Variants in BMAL1 observed in about 807,000 individuals in gnomAD.
The protein encoded by BMAL1 is basic helix-loop-helix ARNT like 1.
the BMAL1 span, chr11:13,357,024 G>C: frequency 1.8e-5 from 29 of 1,614,128 alleles, no homozygotes; most frequent in Non-Finnish European, 2.5e-5. This position sits in a 1 kb window ranked among gnomAD's most constrained non-coding sequence, Gnocchi z 4.8. Flanking sequence ...AGAGAATTAT[G>C]TTTTTATCTT....
chr11:13,322,969 T>C, the BMAL1 span, among the ~76,000 whole-genome samples: 1 of 150,976 alleles, frequency 6.6e-6, no homozygotes, highest in African/African-American at 2.4e-5. Context: ...TTTTTTTTTT[T>C]AATTTTTTGT....
the BMAL1 span, among the ~76,000 whole-genome samples, chr11:13,281,905 C>A: frequency 1.3e-5 from 2 of 152,220 alleles, no homozygotes; most frequent in Admixed American, 1.3e-4. Flanking sequence ...TCTTCCTGCA[C>A]CCCTGTAAAG....
the BMAL1 span, among the ~76,000 whole-genome samples, chr11:13,319,909 G>A: frequency 6.6e-6 from 1 of 152,212 alleles, no homozygotes; most frequent in Non-Finnish European, 1.5e-5. Flanking sequence ...GCAAGTGACT[G>A]CTGTGAGGCT....
chr11:13,301,914 A>T, the BMAL1 span, among the ~76,000 whole-genome samples: 1 of 152,206 alleles, frequency 6.6e-6, no homozygotes, highest in East Asian at 1.9e-4. Flanking sequence ...TGGAGCCAAG[A>T]TCAGACCAAG....
chr11:13,369,305 G>T, the BMAL1 span, among the ~76,000 whole-genome samples: 1 of 152,068 alleles, frequency 6.6e-6, no homozygotes, highest in East Asian at 1.9e-4. Context: ...ATCTTTTCTT[G>T]GTGCACCTCC....
the BMAL1 span, among the ~76,000 whole-genome samples, chr11:13,298,514 G>C: frequency 1.3e-5 from 2 of 151,954 alleles, no homozygotes; most frequent in East Asian, 3.9e-4. Flanking sequence ...TTATTTATTT[G>C]GTTTATTTTT....
chr11:13,279,137 T>C, the BMAL1 span, among the ~76,000 whole-genome samples: 1 of 152,246 alleles, frequency 6.6e-6, no homozygotes, highest in African/African-American at 2.4e-5. Flanking sequence ...AGCGTTGTTT[T>C]GGCGCTTTGG....
the BMAL1 span, among the ~76,000 whole-genome samples, chr11:13,313,376 G>A: frequency 4.6e-5 from 7 of 152,056 alleles, no homozygotes; most frequent in Admixed American, 3.3e-4. Context: ...GAAGACACCC[G>A]GATCTCCATA....
At chr11:13,310,600 C>A in the BMAL1 span, among the ~76,000 whole-genome samples, 1 of 152,196 alleles carries the variant, frequency 6.6e-6, no homozygotes, top group Admixed American at 6.5e-5. Context: ...TCTGTCACAG[C>A]TACTCCACTC....
chr11:13,373,757 A>G, the BMAL1 span, among the ~76,000 whole-genome samples: 35 of 152,232 alleles, frequency 2.3e-4, no homozygotes, highest in Non-Finnish European at 4.4e-4. Context: ...AATCTGCCCA[A>G]CTCGGCCTCC....
chr11:13,327,955 G>T, the BMAL1 span, among the ~76,000 whole-genome samples: 1 of 150,618 alleles, frequency 6.6e-6, no homozygotes, highest in Non-Finnish European at 1.5e-5. Context: ...GCCATGAAGG[G>T]TGTCATGTTT....
the BMAL1 span, among the ~76,000 whole-genome samples, chr11:13,373,609 C>T: frequency 6.6e-6 from 1 of 152,336 alleles, no homozygotes; most frequent in African/African-American, 2.4e-5. Flanking sequence ...CGGGCTCAAG[C>T]AGTCCTCCCA....
At chr11:13,372,102 C>T in the BMAL1 span, 1 of 1,598,846 alleles carries the variant, frequency 6.3e-7, no homozygotes. Flanking sequence ...CCACCATCGG[C>T]CGTGTACACC....
chr11:13,383,881 T>TGAGG, the BMAL1 span, among the ~76,000 whole-genome samples: 2 of 151,008 alleles, frequency 1.3e-5, no homozygotes, highest in African/African-American at 2.4e-5. Flanking sequence ...AGGAAGGGAG[T>TGAGG]GAGGGAGGGA....
At chr11:13,332,512 C>T in the BMAL1 span, among the ~76,000 whole-genome samples, 14 of 152,090 alleles carry the variant, frequency 9.2e-5, no homozygotes. Flanking sequence ...TTTCTTGGAT[C>T]TGGATTATAA....
the BMAL1 span, among the ~76,000 whole-genome samples, chr11:13,286,490 T>C: frequency 1.3e-5 from 2 of 152,208 alleles, no homozygotes; most frequent in African/African-American, 4.8e-5. Flanking sequence ...TCTCAGGTTC[T>C]TCTTGGCTGT....
chr11:13,288,395 T>TTTCTTTCTTTC, the BMAL1 span, among the ~76,000 whole-genome samples: 1 of 21,790 alleles, frequency 4.6e-5, no homozygotes, highest in African/African-American at 9.2e-5. Flanking sequence ...GATTTTCTTT[T>TTTCTTTCTTTC]TTCTTTCTTT....
the BMAL1 span, chr11:13,357,014 A>C: frequency 1.2e-6 from 2 of 1,613,938 alleles, no homozygotes; most frequent in Middle Eastern, 3.3e-4. This position sits in a 1 kb window ranked among gnomAD's most constrained non-coding sequence, Gnocchi z 4.8. Context: ...ATTCATCTCC[A>C]GAGAATTATG....
At chr11:13,375,544 A>G in the BMAL1 span, 7 of 1,324,984 alleles carry the variant, frequency 5.3e-6, no homozygotes, top group Non-Finnish European at 6.1e-6. Flanking sequence ...AATATTTTGT[A>G]TTGGATGTCC....
Sources: gnomAD v4.1 joint callset for allele counts (sites outside exome capture counted in the v4.1 genomes callset) on GRCh38, gnomAD v4.1.1 for gene constraint, Gnocchi (gnomAD v3.1) non-coding constraint, MANE v1.5 for transcripts, NCBI Gene and HGNC (gene_info 2026-07-23, HGNC 2026-07-21) for gene names.